The following ZGRF1 variants were observed in gnomAD, a reference collection of about 807,000 sequenced individuals.
ZGRF1 encodes 5'-3' DNA helicase ZGRF1.
A neutral mutation model predicts 203.5 loss-of-function variants in ZGRF1; 196 were observed. The observed-to-expected ratio is 0.96, with a 90% CI of 0.86 to 1.08. ZGRF1 has a LOEUF of 1.08. Among genes scored for constraint, ZGRF1 ranks in the 50% least tolerant of loss-of-function variants. The probability of loss-of-function intolerance (pLI) is 0.00; values close to 1 mark genes in which losing one functional copy is unlikely to be tolerated. For missense variants in ZGRF1, 2,326 were observed against 2,416.3 expected (o/e 0.96, Z 0.78); for synonymous variants, 809 against 841.3 (o/e 0.96, Z 0.66).
intron 7 of ZGRF1, 88 bp from the exon 8 acceptor site, chr4:112,609,517 A>G (rs1751268310): frequency 1.8e-6 from 1 of 543,742 alleles, no homozygotes; most frequent in African/African-American, 2.1e-5. Flanking sequence ...GACTTAAGAA[A>G]TACTAGGGCT....
intron 11 of ZGRF1, among the ~76,000 whole-genome samples, chr4:112,588,344 A>G (rs982086168): frequency 4.6e-5 from 7 of 152,202 alleles, no homozygotes; most frequent in African/African-American, 1.2e-4. Flanking sequence ...AACCTAGACT[A>G]GTTTTTTATA....
intron 24 of ZGRF1, among the ~76,000 whole-genome samples, chr4:112,544,542 G>A: frequency 6.6e-6 from 1 of 152,190 alleles, no homozygotes; most frequent in East Asian, 1.9e-4. Context: ...CCCTTTCCCA[G>A]AGAAGGGATA....
At chr4:112,592,208 G>A (rs776016998) in intron 10 of ZGRF1, among the ~76,000 whole-genome samples, 1 of 149,048 alleles carries the variant, frequency 6.7e-6, no homozygotes, top group South Asian at 2.1e-4. Context: ...AGCAATTCTC[G>A]TGCCTCAGGC....
rs1175468319 is a variant in ZGRF1, at chr4:112,631,999, A to C, written c.33T>G (p.Thr11=). ...CTTTTGACTTCTTCATCTTTTGATG[A>C]GTATATAGAACCTTATTTCCAAAAA... MESQEFIVLY[T]HQKMKKSKVW... is the part of the protein sequence containing the mutation. The change falls in exon 3 of 28, where the codon ACT becomes ACG. Residue 11 remains threonine, a synonymous_variant. Transcript: ENST00000505019. The C allele has an allele frequency of 6.4e-7, 1 of 1,559,782 alleles. No homozygotes were observed. The highest frequency in any genetic ancestry group is 2.3e-5 in the East Asian group (1 of 43,966).
At chr4:112,545,381 G>A (rs1200345233) in intron 24 of ZGRF1, among the ~76,000 whole-genome samples, 4 of 151,968 alleles carry the variant, frequency 2.6e-5, no homozygotes. Flanking sequence ...TGGCTAATAA[G>A]CACATGAAAA....
intron 6 of ZGRF1, among the ~76,000 whole-genome samples, chr4:112,613,450 A>C (rs2046762141): frequency 6.7e-6 from 1 of 149,022 alleles, no homozygotes; most frequent in South Asian, 2.2e-4. Context: ...GCAGTGAACA[A>C]GACAAAAAAA....
At chr4:112,616,835 TAA>T (rs34222388) in intron 6 of ZGRF1, among the ~76,000 whole-genome samples, 271 of 145,338 alleles carry the variant, frequency 1.9e-3, no homozygotes, top group Middle Eastern at 3.5e-3. Flanking sequence ...GAAACTGTCT[TAA>T]AAAAAAAAAA....
chr4:112,548,939 C>A lies in ZGRF1; in HGVS notation c.5347-559G>T, dbSNP rs1739375207. On this transcript the variant is annotated intron_variant, in intron 22 of 27. Transcript: ENST00000505019. ...ACCATCCCGGCTAAAACGGTGAAAC[C>A]CCGTCTCTACTAAAAATACAAAAAA... Among the ~76,000 whole-genome samples the A allele has an allele frequency of 5.0e-5, 2 of 40,022 alleles. 1 individual carries two copies. Among genetic ancestry groups the A allele is most frequent in the African/African-American group, 2.0e-4 (2 of 10,176 alleles). 26.3% of individuals were successfully genotyped at this position (40,022 alleles called of 152,430 possible). A position where few individuals can be genotyped will look rare whatever the true frequency, so the allele number is the denominator to read the frequency against.
At chr4:112,541,915 T>C (rs1328732619) in intron 24 of ZGRF1, among the ~76,000 whole-genome samples, 3 of 152,222 alleles carry the variant, frequency 2.0e-5, no homozygotes, top group Non-Finnish European at 4.4e-5. Flanking sequence ...CGTAAATATC[T>C]CGTTAACTTT....
At chr4:112,543,614 C>T (rs897115514) in intron 24 of ZGRF1, among the ~76,000 whole-genome samples, 1 of 152,124 alleles carries the variant, frequency 6.6e-6, no homozygotes, top group Non-Finnish European at 1.5e-5. Context: ...GTGCAGAGTA[C>T]ACTACCATTT....
At chr4:112,571,549 C>T (rs1744217416) in intron 16 of ZGRF1, among the ~76,000 whole-genome samples, 1 of 132,036 alleles carries the variant, frequency 7.6e-6, no homozygotes, top group African/African-American at 2.5e-5. Flanking sequence ...GGTATTAAAT[C>T]TTAATTTTTT....
chr4:112,575,039 A>AG (rs1302186690), intron 16 of ZGRF1, among the ~76,000 whole-genome samples: 1 of 151,720 alleles, frequency 6.6e-6, no homozygotes, highest in Non-Finnish European at 1.5e-5. Flanking sequence ...AAAAAAAAAA[A>AG]CAAGCAAACA....
At chr4:112,632,419 G>A (rs2047441496) in intron 2 of ZGRF1, among the ~76,000 whole-genome samples, 1 of 152,210 alleles carries the variant, frequency 6.6e-6, no homozygotes, top group Non-Finnish European at 1.5e-5. Context: ...AGTTCTCAAA[G>A]TTTGGTCCAG....
intron 16 of ZGRF1, among the ~76,000 whole-genome samples, chr4:112,571,940 T>C (rs964104440): frequency 6.6e-6 from 1 of 152,152 alleles, no homozygotes; most frequent in South Asian, 2.1e-4. Context: ...TAACCTACAG[T>C]ATAAAATAGG....
At chr4:112,568,634 C>T (rs953153617) in intron 16 of ZGRF1, among the ~76,000 whole-genome samples, 1 of 149,400 alleles carries the variant, frequency 6.7e-6, no homozygotes, top group Non-Finnish European at 1.5e-5. Flanking sequence ...CCGCTTGAAC[C>T]CGGGAGGTGG....
Position 112,587,538 on chromosome 4 carries a change from A to C in ZGRF1, c.3519T>G (p.Ala1173=). Residue 1173 remains alanine (A), a synonymous_variant, in exon 12 of 28, where the codon GCT becomes GCG. Transcript: ENST00000505019. ...TAAAATGCATCCCAGAAACAGCCTC[A>C]GCAAAGAAGCCATCAGTTATTCTCT... ...VDKRITDGFF[A]EAVSGMHFRD... is the part of the protein sequence containing the mutation. 6.2e-7 allele frequency: 1 copy of C among 1,613,952 alleles called. No individual in the cohort carries two copies. Among genetic ancestry groups the C allele is most frequent in the Non-Finnish European group, 8.5e-7 (1 of 1,179,850 alleles).
chr4:112,555,008 C>T (rs1314648307), intron 20 of ZGRF1, among the ~76,000 whole-genome samples: 1 of 152,166 alleles, frequency 6.6e-6, no homozygotes, highest in African/African-American at 2.4e-5. Flanking sequence ...CTTGAAGGCT[C>T]ACTAAATGTT....
intron 6 of ZGRF1, among the ~76,000 whole-genome samples, chr4:112,616,086 T>C (rs538050884): frequency 6.6e-6 from 1 of 152,354 alleles, no homozygotes; most frequent in South Asian, 2.1e-4. Context: ...CCTTTTGATT[T>C]GTGAACTTTA....
chr4:112,573,731 A>G (rs187224958), intron 16 of ZGRF1, among the ~76,000 whole-genome samples: 1 of 152,250 alleles, frequency 6.6e-6, no homozygotes, highest in African/African-American at 2.4e-5. Flanking sequence ...AAGAATTTTT[A>G]TTTATCTAAA....
Sources: allele counts gnomAD v4.1 joint callset (sites outside exome capture counted in the v4.1 genomes callset), GRCh38; gene constraint gnomAD v4.1.1; transcripts MANE v1.5; gene names NCBI Gene and HGNC (gene_info 2026-07-23, HGNC 2026-07-21).